TBC1D2: variants seen among roughly 807,000 people sequenced by gnomAD.
The protein encoded by TBC1D2 is TBC1 domain family member 2A.
A neutral mutation model predicts 91.1 loss-of-function variants in TBC1D2; 58 were observed. The observed-to-expected ratio is 0.64, with a 90% CI of 0.52 to 0.79. The LOEUF (loss-of-function observed/expected upper bound fraction) is 0.79. Ranked by LOEUF, TBC1D2 falls within the 30% of genes least tolerant of loss-of-function variation. The pLI is 0.00. For missense variants in TBC1D2, 1,080 were observed against 1,208.3 expected, an observed-to-expected ratio of 0.89 and a Z score of 1.57; for synonymous variants, 482 against 511.5, an observed-to-expected ratio of 0.94 and a Z score of 0.78.
At chr9:98,254,371 C>T (rs1829931384) in intron 1 of TBC1D2, among the ~76,000 whole-genome samples, 1 of 152,192 alleles carries the variant, frequency 6.6e-6, no homozygotes, top group Admixed American at 6.5e-5. Context: ...CCACTAGGTA[C>T]CAGGCTGTAT....
At chr9:98,219,441 A>G (rs1829042903) in intron 6 of TBC1D2, among the ~76,000 whole-genome samples, 1 of 152,194 alleles carries the variant, frequency 6.6e-6, no homozygotes, top group South Asian at 2.1e-4. Context: ...TCTCAAGGTT[A>G]TAAGTCTATA....
At chr9:98,226,127 G>T (rs1829228197) in intron 5 of TBC1D2, among the ~76,000 whole-genome samples, 1 of 152,220 alleles carries the variant, frequency 6.6e-6, no homozygotes, top group African/African-American at 2.4e-5. Context: ...CCCAGAAGTT[G>T]TGCTGGCTTT....
chr9:98,200,244 G>T lies in TBC1D2; in HGVS notation c.2579+9C>A. On this transcript the variant is annotated intron_variant, in intron 12 of 12. Coordinates refer to ENST00000465784, the MANE Select transcript of TBC1D2 (RefSeq NM_001267571.2). ...GTGGTGGGAGTGGCAGGGGGTGGGGGTTCCTCACCGGCTGTTGGAGATGGT... is the reference window on the plus strand; with the variant it reads ...GTGGTGGGAGTGGCAGGGGGTGGGGTTTCCTCACCGGCTGTTGGAGATGGT... The T allele has an allele frequency of 6.2e-7, 1 of 1,613,476 alleles. No individual in the cohort carries two copies.
At chr9:98,251,290 C>CA (rs1226465638) in intron 2 of TBC1D2, among the ~76,000 whole-genome samples, 3,448 of 135,706 alleles carry the variant, frequency 0.025, 117 homozygotes, top group African/African-American at 0.084. Context: ...GACTCCATCT[C>CA]AAAAAAAAAA....
At chr9:98,232,113 C>A (rs1791246151) in intron 4 of TBC1D2, among the ~76,000 whole-genome samples, 1 of 152,108 alleles carries the variant, frequency 6.6e-6, no homozygotes, top group Admixed American at 6.5e-5. Context: ...CTGAATTACA[C>A]ATTTTAAATG....
intron 3 of TBC1D2, among the ~76,000 whole-genome samples, chr9:98,237,230 G>T (rs1014259061): frequency 6.6e-6 from 1 of 151,782 alleles, no homozygotes; most frequent in Non-Finnish European, 1.5e-5. Flanking sequence ...CCAGCTTCTC[G>T]GGAGGCTGAG....
Position 98,229,032 on chromosome 9 carries a change from G to C in TBC1D2, c.898C>G (p.Arg300Gly). The change falls in exon 5 of 13, where the codon CGG (arginine) becomes GGG (glycine). Residue 300 changes from arginine to glycine, a missense_variant. By Grantham distance (125) the Arg-to-Gly change is moderately radical (BLOSUM62 -2). Transcript: ENST00000465784. ...TFPFFSEGITRNRTAQEKVAA... is the reference protein window; with the variant it reads ...TFPFFSEGITGNRTAQEKVAA... ...ACTTTCTCCTGGGCAGTTCGGTTCC[G>C]TGTGATTCCTTCAGAAAAGAATGGG... The C allele has an allele frequency of 6.2e-7, 1 of 1,614,202 alleles. No individual in the cohort carries two copies. The highest frequency in any genetic ancestry group is 8.5e-7 in the Non-Finnish European group (1 of 1,180,040).
chr9:98,246,369 A>T (rs1455204537), intron 2 of TBC1D2, among the ~76,000 whole-genome samples: 2 of 152,242 alleles, frequency 1.3e-5, no homozygotes, highest in Non-Finnish European at 2.9e-5. Flanking sequence ...AAAGAAACTT[A>T]GCAGTAGTTC....
chr9:98,224,480 C>A (rs1293872279), intron 5 of TBC1D2, among the ~76,000 whole-genome samples: 1 of 151,732 alleles, frequency 6.6e-6, no homozygotes, highest in East Asian at 2.0e-4. Flanking sequence ...ACAGGGTCTC[C>A]CTATGTTGTT....
Position 98,203,417 on chromosome 9 carries a change from G to C in TBC1D2, c.2151-9C>G, listed in dbSNP as rs575688998. ...GGGCAATGGCCGCCAGCCTGGAGTA[G>C]TAGGGAAGGCCTGGAGTGATTACAG... On this transcript the variant is annotated splice_polypyrimidine_tract_variant and intron_variant, in intron 9 of 12. Coordinates refer to ENST00000465784, the MANE Select transcript of TBC1D2 (RefSeq NM_001267571.2). 1 of 1,613,978 alleles carries C rather than the reference G, an allele frequency of 6.2e-7. No individual in the cohort carries two copies. Among genetic ancestry groups the C allele is most frequent in the South Asian group, 1.1e-5 (1 of 91,080 alleles).
At position 98,234,510 on chromosome 9, in the gene TBC1D2, A is replaced by T. The variant is rs549270904; in HGVS notation, c.648-961T>A. On this transcript the variant is annotated intron_variant, in intron 3 of 12. Coordinates refer to ENST00000465784, the MANE Select transcript of TBC1D2 (RefSeq NM_001267571.2). ...GTTCCCACTCATTGGTAGATTGTAA[A>T]ATCAGTTTAGTGTCATGACCAGCAT... Among the ~76,000 whole-genome samples, 252 of 152,226 alleles carry T rather than the reference A, an allele frequency of 1.7e-3. 1 individual carries two copies. The highest frequency in any genetic ancestry group is 3.2e-3 in the Non-Finnish European group (219 of 68,038).
At chr9:98,218,130 T>A (rs1428630312) in intron 6 of TBC1D2, among the ~76,000 whole-genome samples, 2 of 151,976 alleles carry the variant, frequency 1.3e-5, no homozygotes, top group Non-Finnish European at 2.9e-5. Flanking sequence ...GCATTACAGG[T>A]GTGAGCCACC....
intron 9 of TBC1D2, among the ~76,000 whole-genome samples, chr9:98,204,753 A>C (rs1412332767): frequency 6.6e-6 from 1 of 152,246 alleles, no homozygotes; most frequent in Non-Finnish European, 1.5e-5. Flanking sequence ...TGAAGAGAAC[A>C]GTCACAGGTC....
chr9:98,246,937 C>T (rs1829775576), intron 2 of TBC1D2, among the ~76,000 whole-genome samples: 1 of 151,600 alleles, frequency 6.6e-6, no homozygotes, highest in South Asian at 2.1e-4. Context: ...GAGCAGGAGG[C>T]TGAAGAACCA....
At chr9:98,242,180 G>A (rs12685443) in intron 3 of TBC1D2, among the ~76,000 whole-genome samples, 10,064 of 152,144 alleles carry the variant, frequency 0.066, 402 homozygotes, top group East Asian at 0.17. Context: ...GGTGGCTCAC[G>A]TCTGTAATCC....
At chr9:98,248,056 T>C (rs142829930) in intron 2 of TBC1D2, among the ~76,000 whole-genome samples, 2 of 152,334 alleles carry the variant, frequency 1.3e-5, no homozygotes, top group East Asian at 1.9e-4. Context: ...AATGAGGAAA[T>C]AGCCACTCAG....
chr9:98,200,439 G>T, intron 11 of TBC1D2, 65 bp from the exon 12 acceptor site: 2 of 1,508,562 alleles, frequency 1.3e-6, no homozygotes, highest in African/African-American at 1.4e-5. Context: ...CCGGAGGGAG[G>T]GAACCTGACA....
chr9:98,202,247 C>T (rs1828527106), intron 10 of TBC1D2, among the ~76,000 whole-genome samples: 2 of 152,238 alleles, frequency 1.3e-5, no homozygotes, highest in South Asian at 2.1e-4. Flanking sequence ...CCAGTGACCT[C>T]TTCTTGTGAC....
At chr9:98,211,107 A>T (rs1453503938) in intron 7 of TBC1D2, among the ~76,000 whole-genome samples, 2 of 152,238 alleles carry the variant, frequency 1.3e-5, no homozygotes, top group Non-Finnish European at 2.9e-5. Flanking sequence ...AGGCTCTTAC[A>T]CAGCTTACAG....
Sources: gnomAD v4.1 joint callset for allele counts (sites outside exome capture counted in the v4.1 genomes callset) on GRCh38, gnomAD v4.1.1 for gene constraint, MANE v1.5 for transcripts, NCBI Gene and HGNC (gene_info 2026-07-23, HGNC 2026-07-21) for gene names.